The following SMG6 variants were observed in gnomAD, a reference collection of about 807,000 sequenced individuals.
SMG6 encodes the protein SMG6 nonsense mediated mRNA decay factor.
A neutral mutation model predicts 142.2 loss-of-function variants in SMG6; 66 were observed. The ratio of observed to expected loss-of-function variants is 0.46; its 90% CI spans 0.38 to 0.57. The LOEUF is 0.57. SMG6 is among the 20% of genes least tolerant of loss of function. The pLI is 0.00. For missense variants in SMG6, 1,793 were observed against 1,832.0 expected (o/e 0.98, Z 0.39); for synonymous variants, 779 against 702.4 (o/e 1.11, Z -1.72).
At chr17:2,243,954 C>G (rs2073871318) in intron 9 of SMG6, among the ~76,000 whole-genome samples, 1 of 152,204 alleles carries the variant, frequency 6.6e-6, no homozygotes, top group South Asian at 2.1e-4. Context: ...TCCATCTGCT[C>G]TGGCGTGTAG....
At chr17:2,263,696 T>C (rs541784929) in intron 8 of SMG6, among the ~76,000 whole-genome samples, 21 of 152,274 alleles carry the variant, frequency 1.4e-4, no homozygotes, top group South Asian at 2.1e-4. Context: ...TTCACTTCAA[T>C]ACTAAATATT....
intron 13 of SMG6, among the ~76,000 whole-genome samples, chr17:2,121,774 A>C (rs914148081): frequency 1.3e-5 from 2 of 151,822 alleles, no homozygotes; most frequent in African/African-American, 4.8e-5. Context: ...TAGCCACTAC[A>C]TTTGGCTAAT....
chr17:2,300,412 T>C lies in SMG6; in HGVS notation c.341A>G (p.Asn114Ser), dbSNP rs1366715937. The stretch of plus-strand genomic sequence containing the variant: ...AGGAAAGGATTCTTGTCCCCGATTA[T>C]TTTCTGGGTCTATAGGACCATTCTG... ...QEQNGPIDPE[N>S]NRGQESFPRT... Residue 114 changes from asparagine (N) to serine (S), a missense_variant, in exon 2 of 19, where the codon AAT (asparagine) becomes AGT (serine). By Grantham distance (46) the Asn-to-Ser change is conservative. Coordinates refer to ENST00000263073, the MANE Select transcript of SMG6 (RefSeq NM_017575.5). The C allele has an allele frequency of 3.7e-6, 6 of 1,614,228 alleles. No individual in the cohort carries two copies. Among genetic ancestry groups the C allele is most frequent in the East Asian group, 4.5e-5 (2 of 44,890 alleles).
rs753930406 is a variant in SMG6, at chr17:2,085,676, T to C, written c.3534+49A>G. On this transcript the variant is annotated intron_variant, in intron 14 of 18. Transcript: ENST00000263073. This position sits in a 1 kb window ranked among gnomAD's most constrained non-coding sequence, Gnocchi z 4.1. ...GGAAAAGCTGAAGCCACGAGCAGAATGGGGAGGGGGCCTTCCCTCTGCCAC... is the reference window on the plus strand; with the variant it reads ...GGAAAAGCTGAAGCCACGAGCAGAACGGGGAGGGGGCCTTCCCTCTGCCAC... The C allele has an allele frequency of 3.9e-6, 6 of 1,555,804 alleles. No homozygotes were observed. Among genetic ancestry groups the C allele is most frequent in the African/African-American group, 2.8e-5 (2 of 72,526 alleles).
chr17:2,217,303 T>G (rs2073047012), intron 10 of SMG6, among the ~76,000 whole-genome samples: 1 of 152,082 alleles, frequency 6.6e-6, no homozygotes, highest in South Asian at 2.1e-4. Flanking sequence ...AAAGAAAATT[T>G]AAAACATGTT....
chr17:2,172,670 T>C lies in SMG6; in HGVS notation c.3345A>G (p.Lys1115=). The C allele has an allele frequency of 6.2e-7, 1 of 1,613,098 alleles. No homozygotes were observed. Among genetic ancestry groups the C allele is most frequent in the East Asian group, 2.2e-5 (1 of 44,844 alleles). ...AAPQDPCYVE[K]TSDKVIAADC... The stretch of plus-strand genomic sequence containing the variant: ...GCCTGGGGCTGACCTTATCCGAGGT[T>C]TTCTCCACGTAGCAGGGGTCCTGAG... The change falls in exon 13 of 19, where the codon AAA becomes AAG. Residue 1115 remains lysine (K), a synonymous_variant. Coordinates refer to ENST00000263073, the MANE Select transcript of SMG6 (RefSeq NM_017575.5).
chr17:2,169,873 G>A (rs1216619789), intron 13 of SMG6, among the ~76,000 whole-genome samples: 1 of 152,158 alleles, frequency 6.6e-6, no homozygotes, highest in Non-Finnish European at 1.5e-5. Flanking sequence ...AGGAACCAGA[G>A]CAACCAGTCA....
At chr17:2,083,622 G>C (rs1465538756) in intron 14 of SMG6, among the ~76,000 whole-genome samples, 2 of 152,222 alleles carry the variant, frequency 1.3e-5, no homozygotes, top group African/African-American at 4.8e-5. Flanking sequence ...CCCAGGCCGT[G>C]GAAAGAAGGA....
At chr17:2,149,567 G>A (rs937426687) in intron 13 of SMG6, among the ~76,000 whole-genome samples, 1 of 152,158 alleles carries the variant, frequency 6.6e-6, no homozygotes, top group African/African-American at 2.4e-5. Context: ...AGTGAACGAA[G>A]GGCTGTCCCG....
At chr17:2,122,080 C>T (rs1210521027) in intron 13 of SMG6, among the ~76,000 whole-genome samples, 5 of 151,812 alleles carry the variant, frequency 3.3e-5, no homozygotes, top group East Asian at 1.9e-4. Context: ...GCAATCTGCC[C>T]GCCTTGGCCT....
intron 10 of SMG6, among the ~76,000 whole-genome samples, chr17:2,221,524 T>C (rs537831009): frequency 1.3e-5 from 2 of 152,368 alleles, no homozygotes; most frequent in South Asian, 4.1e-4. Context: ...TATGTCTTTA[T>C]GGCAGTATGA....
intron 8 of SMG6, among the ~76,000 whole-genome samples, chr17:2,282,389 GCA>G (rs1491337357): frequency 9.6e-5 from 3 of 31,180 alleles, no homozygotes; most frequent in African/African-American, 2.8e-4. Flanking sequence ...ACAAAAAGCA[GCA>G]AAAAAAAAAA....
chr17:2,255,725 G>C (rs1475385499), intron 8 of SMG6: 1 of 192,522 alleles, frequency 5.2e-6, no homozygotes, highest in East Asian at 1.6e-4. Context: ...GACGATGGCG[G>C]TTTTGTGGAA....
Position 2,292,892 on chromosome 17 carries a change from G to A in SMG6, c.2237C>T (p.Ala746Val), listed in dbSNP as rs371760718. The A allele has an allele frequency of 1.6e-5, 26 of 1,613,688 alleles. No individual in the cohort carries two copies. Among genetic ancestry groups the A allele is most frequent in the Non-Finnish European group, 7.6e-6 (9 of 1,179,800 alleles). ...ARYREQASDT[A>V]NYGKARSWYL... ...GTACCTGCGTGCTTTCCCATAATTC[G>A]CTGTATCACTGGCTTGCTCCCGGTA... Residue 746 changes from alanine to valine, a missense_variant, in exon 5 of 19, where the codon GCG (alanine) becomes GTG (valine). Physicochemically the swap from Ala to Val is moderately conservative, Grantham distance 64. This residue lies in a region of SMG6 where 1,597 missense variants were observed against 1,584.6 expected (regional missense o/e 1.01). Transcript: ENST00000263073.
At chr17:2,171,377 G>A (rs1301889035) in intron 13 of SMG6, among the ~76,000 whole-genome samples, 1 of 150,966 alleles carries the variant, frequency 6.6e-6, no homozygotes, top group African/African-American at 2.4e-5. Context: ...GTGTGTGTGT[G>A]TGTGTACTAT....
At chr17:2,273,337 G>C (rs1186624427) in intron 8 of SMG6, among the ~76,000 whole-genome samples, 1 of 152,174 alleles carries the variant, frequency 6.6e-6, no homozygotes, top group African/African-American at 2.4e-5. Flanking sequence ...ACAACACAGA[G>C]ACACCCTGGC....
intron 13 of SMG6, chr17:2,088,688 A>T: frequency 1.0e-6 from 1 of 985,438 alleles, no homozygotes; most frequent in Non-Finnish European, 1.2e-6. Flanking sequence ...AAGCTGTGTA[A>T]AGTGTACTGT....
At chr17:2,214,145 T>C (rs2151752497) in intron 10 of SMG6, 1 of 152,356 alleles carries the variant, frequency 6.6e-6, no homozygotes, top group East Asian at 1.9e-4. Context: ...TAACCCTGTT[T>C]TTGTTCTCAA....
intron 6 of SMG6, 32 bp downstream of exon 6, chr17:2,292,520 A>G: frequency 6.2e-7 from 1 of 1,604,032 alleles, no homozygotes. Context: ...CTTCCTGCAA[A>G]GCACTTTTCC....
Sources: gnomAD v4.1 joint callset for allele counts (sites outside exome capture counted in the v4.1 genomes callset) on GRCh38, gnomAD v4.1.1 for gene constraint, gnomAD v4.1.1 regional missense constraint, Gnocchi (gnomAD v3.1) non-coding constraint, MANE v1.5 for transcripts, NCBI Gene and HGNC (gene_info 2026-07-23, HGNC 2026-07-21) for gene names.